Variants in ACSM1 observed in about 807,000 individuals in gnomAD.
The protein encoded by ACSM1 is acyl-CoA synthetase medium chain family member 1.
A neutral mutation model predicts 75.8 loss-of-function variants in ACSM1; 79 were observed. The ratio of observed to expected loss-of-function variants is 1.04; its 90% confidence interval spans 0.87 to 1.26. The LOEUF (loss-of-function observed/expected upper bound fraction) is 1.26, where lower values mean the gene tolerates loss of function less well. ACSM1 is among the 50% of genes most tolerant of loss of function. The pLI is 0.00. For synonymous variants in ACSM1, 279 were observed against 265.8 expected, an observed-to-expected ratio of 1.05 and a Z score of -0.48; for missense variants, 676 against 720.1, an observed-to-expected ratio of 0.94 and a Z score of 0.70.
At chr16:20,673,203 G>T in intron 4 of ACSM1, among the ~76,000 whole-genome samples, 1 of 151,280 alleles carries the variant, frequency 6.6e-6, no homozygotes, top group East Asian at 1.9e-4. Flanking sequence ...GGTTCCCTCA[G>T]TCTCTCTTGT....
rs985729136 is a variant in ACSM1 at position 20,654,728 on chromosome 16, G to A, written c.992+7066C>T. On this transcript the variant is annotated intron_variant, in intron 7 of 13. Coordinates refer to ENST00000520010, the MANE Select transcript of ACSM1 (RefSeq NM_001318890.3). ...ACCATCTCACACCAGTTAGAATGGC[G>A]ATCATTAAAAAGTCAGGAAACAGGT... Among the ~76,000 whole-genome samples the A allele has an allele frequency of 1.8e-4, 27 of 152,208 alleles. 1 individual carries two copies. Among genetic ancestry groups the A allele is most frequent in the Admixed American group, 1.2e-3 (19 of 15,278 alleles).
chr16:20,642,209 G>A (rs889983458), intron 7 of ACSM1, among the ~76,000 whole-genome samples: 15 of 152,164 alleles, frequency 9.9e-5, no homozygotes, highest in Non-Finnish European at 2.2e-4. Flanking sequence ...AGATGATGAG[G>A]CAGATTTAGA....
chr16:20,642,852 A>T (rs2018144248), intron 7 of ACSM1, among the ~76,000 whole-genome samples: 1 of 152,250 alleles, frequency 6.6e-6, no homozygotes, highest in African/African-American at 2.4e-5. Flanking sequence ...AAAGAAAGAG[A>T]TATACAAGTA....
chr16:20,623,435 G>A lies in ACSM1; in HGVS notation c.*51C>T, dbSNP rs1380400822. ...TCCTCACCATAGTGGGGAGACTAAA[G>A]TGGCCAGGGATTTGCCTTAGGTGTG... On this transcript the variant is annotated 3_prime_UTR_variant, in exon 14 of 14. Transcript: ENST00000520010. 2 of 1,548,568 alleles carry A rather than the reference G, an allele frequency of 1.3e-6. No homozygotes were observed. Among genetic ancestry groups the A allele is most frequent in the African/African-American group, 2.7e-5 (2 of 73,672 alleles).
At chr16:20,653,089 C>A (rs2018739164) in intron 7 of ACSM1, among the ~76,000 whole-genome samples, 5 of 152,168 alleles carry the variant, frequency 3.3e-5, no homozygotes, top group Admixed American at 3.3e-4. Context: ...GGATGCAAGG[C>A]TGGTTCAACA....
chr16:20,670,438 ACTGGT>A (rs1216070267), intron 5 of ACSM1, among the ~76,000 whole-genome samples: 1 of 152,170 alleles, frequency 6.6e-6, no homozygotes, highest in African/African-American at 2.4e-5. Context: ...GGAGCCTTTA[ACTGGT>A]CTTCCCTAAC....
intron 4 of ACSM1, among the ~76,000 whole-genome samples, chr16:20,678,838 G>A (rs928200474): frequency 6.6e-6 from 1 of 152,180 alleles, no homozygotes; most frequent in African/African-American, 2.4e-5. Context: ...ATCAGGTCTT[G>A]CCCATGGTCC....
intron 8 of ACSM1, among the ~76,000 whole-genome samples, chr16:20,639,962 T>A (rs1270019096): frequency 3.9e-5 from 6 of 152,180 alleles, no homozygotes; most frequent in Admixed American, 1.3e-4. Context: ...TCCGCCACAA[T>A]TTTCCCACTA....
At chr16:20,649,883 G>A (rs762937733) in intron 7 of ACSM1, among the ~76,000 whole-genome samples, 49 of 152,094 alleles carry the variant, frequency 3.2e-4, no homozygotes, top group Admixed American at 4.6e-4. Flanking sequence ...GGCCATGGTC[G>A]CTCATATTTA....
chr16:20,690,895 G>A lies in ACSM1; in HGVS notation c.192+102C>T, dbSNP rs181929869. On this transcript the variant is annotated intron_variant, in intron 2 of 13. Coordinates refer to ENST00000520010, the MANE Select transcript of ACSM1 (RefSeq NM_001318890.3). ...TCTTCCACAACACTGATAAGTTGAG[G>A]CAGAAGTAACTTTGGTTCCATACCT... 3 of 1,130,332 alleles carry A rather than the reference G, an allele frequency of 2.7e-6. No individual in the cohort carries two copies. The East Asian group carries it at 8.0e-5, about 30-fold the overall frequency. The allele number at this position is 1,130,332 out of a possible 1,614,324, so 70.0% of individuals were successfully genotyped here.
At chr16:20,640,405 A>G (rs2017976772) in intron 8 of ACSM1, 56 bp downstream of exon 8, 4 of 1,602,712 alleles carry the variant, frequency 2.5e-6, no homozygotes, top group Non-Finnish European at 3.4e-6. Flanking sequence ...TTAGCAAAAT[A>G]ATCTTTTAAA....
At chr16:20,672,474 ATAT>A (rs2019991217) in intron 4 of ACSM1, among the ~76,000 whole-genome samples, 72 of 87,866 alleles carry the variant, frequency 8.2e-4, no homozygotes, top group African/African-American at 1.2e-3. Context: ...AAAAAAAAAT[ATAT>A]ATATATATAT....
intron 4 of ACSM1, chr16:20,681,148 C>T (rs767384492): frequency 6.6e-6 from 1 of 152,202 alleles, no homozygotes. Flanking sequence ...ATATGCTCAA[C>T]TGCATCATAA....
intron 4 of ACSM1, among the ~76,000 whole-genome samples, chr16:20,678,005 A>C (rs756347570): frequency 1.4e-4 from 21 of 150,414 alleles, no homozygotes; most frequent in Non-Finnish European, 2.5e-4. Flanking sequence ...AAGAATACTA[A>C]AGGCTAAAAT....
At chr16:20,641,295 G>A (rs56281296) in intron 7 of ACSM1, among the ~76,000 whole-genome samples, 18,412 of 152,222 alleles carry the variant, frequency 0.12, 1,620 homozygotes, top group East Asian at 0.49. Context: ...CATCTTTTAT[G>A]GGGGGAAGTG....
intron 9 of ACSM1, chr16:20,637,067 T>G (rs910047350): frequency 2.7e-6 from 2 of 748,378 alleles, no homozygotes; most frequent in Admixed American, 1.8e-5. Context: ...TGTCTTCAAG[T>G]TGGAAAACAG....
At chr16:20,633,860 G>T (rs903189566) in intron 10 of ACSM1, among the ~76,000 whole-genome samples, 3 of 152,122 alleles carry the variant, frequency 2.0e-5, no homozygotes, top group African/African-American at 7.2e-5. Context: ...GAGAAACCCT[G>T]TCTCTACTAA....
chr16:20,679,074 T>A (rs796883553), intron 4 of ACSM1: 3 of 152,156 alleles, frequency 2.0e-5, no homozygotes, highest in African/African-American at 7.2e-5. Flanking sequence ...TTTCTTTAAG[T>A]TAAAAAATGG....
At chr16:20,661,970 G>T in intron 6 of ACSM1, 97 bp from the exon 7 acceptor site, 1 of 690,800 alleles carries the variant, frequency 1.4e-6, no homozygotes, top group Non-Finnish European at 2.5e-6. Context: ...CACTAGAAGA[G>T]CCCATTTGTT....
Sources: gnomAD v4.1 joint callset for allele counts (sites outside exome capture counted in the v4.1 genomes callset) on GRCh38, gnomAD v4.1.1 for gene constraint, MANE v1.5 for transcripts, NCBI Gene and HGNC (gene_info 2026-07-23, HGNC 2026-07-21) for gene names.